GPHN: variants seen among roughly 807,000 people sequenced by gnomAD.
GPHN encodes gephyrin.
GPHN carries 17 observed loss-of-function variants against 95.5 expected under a neutral mutation model. The observed-to-expected ratio is 0.18, with a 90% CI of 0.12 to 0.27. The LOEUF is 0.27. GPHN is among the 10% of genes least tolerant of loss of function. GPHN has a pLI of 1.00. For synonymous variants in GPHN, 320 were observed against 322.5 expected (o/e 0.99, Z 0.08); for missense variants, 660 against 978.1 (o/e 0.67, Z 4.34).
At chr14:66,681,076 A>AT (rs201109534) in intron 1 of GPHN, 31 bp from the exon 2 acceptor site, 653 of 1,306,096 alleles carry the variant, frequency 5.0e-4, no homozygotes, top group African/African-American at 9.3e-4. Flanking sequence ...ACAAAAATTA[A>AT]TTTTTTTTTC....
intron 1 of GPHN, among the ~76,000 whole-genome samples, chr14:66,655,029 TATGTCTTGAC>T (rs1435888644): frequency 6.6e-6 from 1 of 152,194 alleles, no homozygotes; most frequent in African/African-American, 2.4e-5. Flanking sequence ...TATATCTGTA[TATGTCTTGAC>T]ATTGAGAAGA....
the GPHN span, chr14:67,725,052 A>G: frequency 6.2e-7 from 1 of 1,607,862 alleles, no homozygotes; most frequent in Non-Finnish European, 8.5e-7. Context: ...TACCTCCTTT[A>G]TAGCCTAGGA....
chr14:66,971,411 A>G (rs866060883), intron 9 of GPHN, among the ~76,000 whole-genome samples: 10 of 152,362 alleles, frequency 6.6e-5, no homozygotes, highest in Middle Eastern at 3.4e-3. Context: ...TTCCACAACC[A>G]AAGAAAATCT....
chr14:66,639,478 A>G (rs2064277912), intron 1 of GPHN, among the ~76,000 whole-genome samples: 1 of 152,186 alleles, frequency 6.6e-6, no homozygotes, highest in African/African-American at 2.4e-5. Context: ...GACATTGAAT[A>G]CATATACATT....
chr14:66,940,908 A>G (rs1400047042), intron 8 of GPHN, among the ~76,000 whole-genome samples: 1 of 152,178 alleles, frequency 6.6e-6, no homozygotes, highest in Non-Finnish European at 1.5e-5. Context: ...GACATGCCCA[A>G]ATAACTGTTG....
At chr14:67,272,201 T>G in the GPHN span, 1 of 152,218 alleles carries the variant, frequency 6.6e-6, no homozygotes, top group Non-Finnish European at 1.5e-5. Flanking sequence ...AGGATTTGTA[T>G]TTAAGACCTT....
the GPHN span, chr14:67,473,737 T>G: frequency 6.2e-7 from 1 of 1,612,698 alleles, no homozygotes; most frequent in Non-Finnish European, 8.5e-7. This position sits in a 1 kb window ranked among gnomAD's most constrained non-coding sequence, Gnocchi z 6.5. Flanking sequence ...CGCAGGTACA[T>G]GCGCTCCACG....
chr14:67,164,658 A>G, intron 19 of GPHN, among the ~76,000 whole-genome samples: 1 of 151,554 alleles, frequency 6.6e-6, no homozygotes, highest in East Asian at 2.0e-4. Context: ...TGCCTGGCAA[A>G]TTTTTGTATT....
intron 10 of GPHN, among the ~76,000 whole-genome samples, chr14:67,047,363 T>TGTG: frequency 1.0e-5 from 1 of 99,240 alleles, no homozygotes; most frequent in Admixed American, 9.7e-5. Flanking sequence ...TGTGTGTGTG[T>TGTG]TTGTTTTTTT....
At chr14:66,714,553 C>T (rs1720498120) in intron 2 of GPHN, among the ~76,000 whole-genome samples, 1 of 152,044 alleles carries the variant, frequency 6.6e-6, no homozygotes, top group Admixed American at 6.6e-5. Flanking sequence ...TTGTCTTGTT[C>T]CAGTTCTTAG....
chr14:66,740,323 G>T (rs1303745716), intron 2 of GPHN, among the ~76,000 whole-genome samples: 3 of 151,954 alleles, frequency 2.0e-5, no homozygotes, highest in African/African-American at 7.2e-5. Flanking sequence ...AATACTTAAC[G>T]TCATGAGGGA....
intron 1 of GPHN, among the ~76,000 whole-genome samples, chr14:66,555,967 A>C (rs1339624263): frequency 6.6e-6 from 1 of 152,196 alleles, no homozygotes; most frequent in East Asian, 1.9e-4. Flanking sequence ...ATGTACTTAC[A>C]CAAACCTAGA....
At chr14:67,138,022 G>A (rs76786936) in intron 17 of GPHN, among the ~76,000 whole-genome samples, 1,832 of 152,188 alleles carry the variant, frequency 0.012, 19 homozygotes, top group Non-Finnish European at 0.018. Flanking sequence ...TCAGTATTTG[G>A]TATATACAAA....
chr14:66,576,691 A>T (rs939189642), intron 1 of GPHN, among the ~76,000 whole-genome samples: 1 of 152,138 alleles, frequency 6.6e-6, no homozygotes. Context: ...ATAGGAAGAA[A>T]ATACCTTCAC....
chr14:67,542,025 C>T, the GPHN span: 6 of 1,567,780 alleles, frequency 3.8e-6, no homozygotes, highest in Non-Finnish European at 5.2e-6. Context: ...GCTGCCTCTC[C>T]ACACGCAGAG....
chr14:67,467,272 G>A, the GPHN span: 1 of 152,188 alleles, frequency 6.6e-6, no homozygotes, highest in Non-Finnish European at 1.5e-5. Context: ...AAACAGGTCA[G>A]TTCTCAGTCC....
chr14:66,608,004 G>T (rs2062618587), intron 1 of GPHN, among the ~76,000 whole-genome samples: 1 of 144,760 alleles, frequency 6.9e-6, no homozygotes, highest in African/African-American at 2.5e-5. Context: ...ATTCAGTTCT[G>T]ATCTTAATTA....
chr14:66,572,306 CA>C (rs1157387623), intron 1 of GPHN, among the ~76,000 whole-genome samples: 1 of 152,174 alleles, frequency 6.6e-6, no homozygotes, highest in East Asian at 1.9e-4. Context: ...GGAATTTTGA[CA>C]GTGGTTACGT....
At chr14:66,976,967 A>G (rs2070287743) in intron 9 of GPHN, among the ~76,000 whole-genome samples, 1 of 151,936 alleles carries the variant, frequency 6.6e-6, no homozygotes, top group Non-Finnish European at 1.5e-5. Flanking sequence ...ATTTAAAACA[A>G]CACAAATTTT....
Sources: allele counts gnomAD v4.1 joint callset (sites outside exome capture counted in the v4.1 genomes callset), GRCh38; gene constraint gnomAD v4.1.1; non-coding constraint Gnocchi (gnomAD v3.1); transcripts MANE v1.5; gene names NCBI Gene and HGNC (gene_info 2026-07-23, HGNC 2026-07-21).